DTHD1: variants seen among roughly 807,000 people sequenced by gnomAD.
DTHD1 encodes death domain containing 1.
In DTHD1, 59 loss-of-function variants were observed where a neutral mutation model predicts 74.8. The ratio of observed to expected loss-of-function variants is 0.79; its 90% confidence interval spans 0.64 to 0.98. DTHD1 has a LOEUF of 0.98. Among genes scored for constraint, DTHD1 ranks in the 50% least tolerant of loss-of-function variants. The probability of loss-of-function intolerance (pLI) is 0.00; values close to 1 mark genes in which losing one functional copy is unlikely to be tolerated. For missense variants in DTHD1, 1,051 were observed against 1,065.4 expected (o/e 0.99, Z 0.19); for synonymous variants, 365 against 371.1 (o/e 0.98, Z 0.19).
chr4:36,329,278 A>G (rs1418765172), intron 8 of DTHD1, among the ~76,000 whole-genome samples: 1 of 152,116 alleles, frequency 6.6e-6, no homozygotes, highest in Non-Finnish European at 1.5e-5. Flanking sequence ...AGCCTTGGAT[A>G]GTGGTTTTTC....
intron 1 of DTHD1, among the ~76,000 whole-genome samples, chr4:36,282,279 T>C (rs1490286951): frequency 6.6e-6 from 1 of 151,834 alleles, no homozygotes; most frequent in Non-Finnish European, 1.5e-5. Context: ...ATCTGTAGGG[T>C]GGGGAATTGA....
chr4:36,336,694 G>A (rs988926704), intron 8 of DTHD1, among the ~76,000 whole-genome samples: 1 of 143,356 alleles, frequency 7.0e-6, no homozygotes, highest in Non-Finnish European at 1.6e-5. Context: ...TTGGCCCCTG[G>A]AATTTCTAAG....
At chr4:36,297,950 G>A (rs1373808319) in intron 5 of DTHD1, among the ~76,000 whole-genome samples, 1 of 151,882 alleles carries the variant, frequency 6.6e-6, no homozygotes, top group Non-Finnish European at 1.5e-5. Context: ...GTGTGTGTGT[G>A]TGTGTTTATG....
intron 9 of DTHD1, 102 bp from the exon 10 acceptor site, chr4:36,343,400 C>T: frequency 2.6e-6 from 3 of 1,175,992 alleles, no homozygotes; most frequent in Admixed American, 2.8e-5. Context: ...CAAGGCCAAA[C>T]AAAAGAGCAG....
At chr4:36,306,107 C>A in intron 5 of DTHD1, 84 bp from the exon 6 acceptor site, 1 of 1,237,194 alleles carries the variant, frequency 8.1e-7, no homozygotes, top group African/African-American at 1.5e-5. Context: ...GTTATTAGAT[C>A]ATTCACAATG....
Position 36,306,243 on chromosome 4 carries a change from A to G in DTHD1, c.1696A>G (p.Lys566Glu), listed in dbSNP as rs1238295638. ...TAGGAAAAATGCCAGTGAATGTTTGAAATTACTGGGATTCAGAAGCCAAGA... is the reference window on the plus strand; with the variant it reads ...TAGGAAAAATGCCAGTGAATGTTTGGAATTACTGGGATTCAGAAGCCAAGA... ...KPRKNASECLKLLGFRSQDSG... is the reference protein window; with the variant it reads ...KPRKNASECLELLGFRSQDSG... The change falls in exon 6 of 10, where the codon AAA (lysine) becomes GAA (glutamate). Residue 566 changes from lysine to glutamate, a missense_variant. Coordinates refer to ENST00000639862, the MANE Select transcript of DTHD1 (RefSeq NM_001170700.3). 6.4e-7 allele frequency: 1 copy of G among 1,551,900 alleles called. No homozygotes were observed. The highest frequency in any genetic ancestry group is 1.2e-5 in the South Asian group (1 of 84,056).
intron 8 of DTHD1, among the ~76,000 whole-genome samples, chr4:36,318,485 G>A (rs1161062923): frequency 1.3e-5 from 2 of 152,168 alleles, no homozygotes; most frequent in Non-Finnish European, 2.9e-5. Context: ...GTGGTCCATG[G>A]GAAGCATGCA....
At chr4:36,333,117 A>C (rs1477481406) in intron 8 of DTHD1, among the ~76,000 whole-genome samples, 2 of 152,154 alleles carry the variant, frequency 1.3e-5, no homozygotes, top group Non-Finnish European at 2.9e-5. Context: ...TTAGCATAAA[A>C]ATTCATTAAA....
At position 36,313,222 on chromosome 4, in the gene DTHD1, A is replaced by C. The variant is rs1358010604; in HGVS notation, c.2096-3020A>C. Among the ~76,000 whole-genome samples the C allele has an allele frequency of 5.9e-5, 9 of 152,200 alleles. No individual in the cohort carries two copies. In the East Asian group the frequency reaches 1.5e-3, roughly 26 times the overall value. The stretch of plus-strand genomic sequence containing the variant: ...CAGGTAATCCACAAAATATAAGTAC[A>C]TTCTGGAACTTTTTACATGACAAGT... On this transcript the variant is annotated intron_variant, in intron 7 of 9. Transcript: ENST00000639862.
chr4:36,312,526 A>C (rs775000465), intron 7 of DTHD1, among the ~76,000 whole-genome samples: 4 of 151,904 alleles, frequency 2.6e-5, no homozygotes, highest in Non-Finnish European at 5.9e-5. Context: ...GGGGGACCTT[A>C]AAGGGTGTAG....
chr4:36,288,036 T>C (rs368614507), intron 2 of DTHD1, among the ~76,000 whole-genome samples: 1 of 152,324 alleles, frequency 6.6e-6, no homozygotes, highest in African/African-American at 2.4e-5. Flanking sequence ...TTTGGGTTCT[T>C]GGTCATGAAG....
intron 1 of DTHD1, among the ~76,000 whole-genome samples, chr4:36,283,205 G>A (rs1755497952): frequency 6.6e-6 from 1 of 152,212 alleles, no homozygotes; most frequent in Admixed American, 6.5e-5. Context: ...GTAGTGAGGA[G>A]AAGCAGGATG....
chr4:36,291,658 G>A (rs913788089), intron 3 of DTHD1, among the ~76,000 whole-genome samples: 4 of 152,062 alleles, frequency 2.6e-5, no homozygotes, highest in East Asian at 1.9e-4. Flanking sequence ...GAGAAACCCC[G>A]TCTCTACTAA....
At chr4:36,299,484 A>G (rs1034970007) in intron 5 of DTHD1, among the ~76,000 whole-genome samples, 1 of 152,110 alleles carries the variant, frequency 6.6e-6, no homozygotes, top group East Asian at 1.9e-4. Context: ...TCTATGTATG[A>G]TCTGTCTAGA....
chr4:36,287,899 T>C (rs1011480957), intron 2 of DTHD1, among the ~76,000 whole-genome samples: 2 of 152,208 alleles, frequency 1.3e-5, no homozygotes, highest in Non-Finnish European at 2.9e-5. Flanking sequence ...TTGTCGGATA[T>C]ATAGATTGAG....
At chr4:36,293,136 T>G (rs1396711138) in intron 3 of DTHD1, among the ~76,000 whole-genome samples, 1 of 152,218 alleles carries the variant, frequency 6.6e-6, no homozygotes, top group Admixed American at 6.5e-5. Flanking sequence ...TCCTTAGGAT[T>G]CCCTAGAACA....
In DTHD1 at chr4:36,343,675, T is replaced by A. The variant is rs1448029725; in HGVS notation, c.2572T>A (p.Ser858Thr). The A allele has an allele frequency of 1.3e-6, 2 of 1,551,574 alleles. No individual in the cohort carries two copies. The highest frequency in any genetic ancestry group is 2.4e-5 in the East Asian group (1 of 40,942). ...CGAGTTTCTTTGCTTCTGGAAAAAA[T>A]CGCTTCCAACTTTCACCGACAAACT... Reference protein sequence around the residue: ...IHEFLCFWKKSLPTFTDKLRL... With the variant: ...IHEFLCFWKKTLPTFTDKLRL... Residue 858 changes from serine (S) to threonine (T), a missense_variant, in exon 10 of 10, where the codon TCG becomes ACG. Physicochemically the swap from Ser to Thr is moderately conservative, Grantham distance 58. Coordinates refer to ENST00000639862, the MANE Select transcript of DTHD1 (RefSeq NM_001170700.3).
intron 7 of DTHD1, among the ~76,000 whole-genome samples, chr4:36,310,438 C>G (rs1013478373): frequency 6.6e-6 from 1 of 152,162 alleles, no homozygotes; most frequent in Non-Finnish European, 1.5e-5. Flanking sequence ...CTCTTTCTAA[C>G]TGCTTGCCCT....
intron 5 of DTHD1, among the ~76,000 whole-genome samples, chr4:36,304,570 T>C (rs996684149): frequency 6.6e-6 from 1 of 152,232 alleles, no homozygotes; most frequent in African/African-American, 2.4e-5. Flanking sequence ...ACTTGACAAA[T>C]GAAGACATGA....
Sources: allele counts gnomAD v4.1 joint callset (sites outside exome capture counted in the v4.1 genomes callset), GRCh38; gene constraint gnomAD v4.1.1; transcripts MANE v1.5; gene names NCBI Gene and HGNC (gene_info 2026-07-23, HGNC 2026-07-21).